Variants in UBE3A observed in about 807,000 individuals in gnomAD.
UBE3A encodes ubiquitin-protein ligase E3A.
UBE3A carries 6 observed loss-of-function variants against 83.4 expected under a neutral mutation model. That is an observed-to-expected ratio of 0.07 (90% CI 0.04 to 0.14). The LOEUF is 0.14. Among genes scored for constraint, UBE3A ranks in the 10% least tolerant of loss-of-function variants. UBE3A has a pLI of 1.00. For synonymous variants in UBE3A, 337 were observed against 355.4 expected (o/e 0.95, Z 0.58); for missense variants, 456 against 1,036.1 (o/e 0.44, Z 7.69).
rs1258276843 is a variant in UBE3A, at chr15:25,371,980, G to A, written c.362-168C>T. Among the ~76,000 whole-genome samples the A allele has an allele frequency of 6.6e-6, 1 of 151,934 alleles. No individual in the cohort carries two copies. The highest frequency in any genetic ancestry group is 1.9e-4 in the East Asian group (1 of 5,182). On this transcript the variant is annotated intron_variant, in intron 5 of 12. Transcript: ENST00000648336. This position sits in a 1 kb window ranked among gnomAD's most constrained non-coding sequence, Gnocchi z 5.3. ...TTAGATTCAGCAAACAAAATTTAATGCTTACCTATTTTTTTCAATGAACTA... is the reference window on the plus strand; with the variant it reads ...TTAGATTCAGCAAACAAAATTTAATACTTACCTATTTTTTTCAATGAACTA...
chr15:25,356,811 G>A lies in UBE3A; in HGVS notation c.1839C>T (p.Gly613=). ...FETEGQFTLI[G]IVLGLAIYNN... ...TGTAAATAGCCAGACCCAGTACTATGCCAATCAGAGTAAACTGACCCTCAG... is the reference window on the plus strand; with the variant it reads ...TGTAAATAGCCAGACCCAGTACTATACCAATCAGAGTAAACTGACCCTCAG... Residue 613 remains glycine (G), a synonymous_variant, in exon 8 of 13, where the codon GGC becomes GGT. Transcript: ENST00000648336. 6.2e-7 allele frequency: 1 copy of A among 1,613,770 alleles called. No homozygotes were observed. The highest frequency in any genetic ancestry group is 2.2e-5 in the East Asian group (1 of 44,780).
At chr15:25,367,172 CATATTTGTAAATATGTAAATATTT>C (rs2079272441) in intron 6 of UBE3A, among the ~76,000 whole-genome samples, 1 of 94,826 alleles carries the variant, frequency 1.1e-5, no homozygotes, top group African/African-American at 6.6e-5. Context: ...GGTATATTTA[CATATTTGTAAATATGTAAATATTT>C]ACATATTTGT....
chr15:25,379,115 A>G (rs2081721739), intron 4 of UBE3A, among the ~76,000 whole-genome samples: 1 of 152,218 alleles, frequency 6.6e-6, no homozygotes, highest in African/African-American at 2.4e-5. Flanking sequence ...GGTAGTATCT[A>G]CGAGCATTAT....
At chr15:25,427,012 G>A (rs1265900011) in intron 1 of UBE3A, among the ~76,000 whole-genome samples, 1 of 151,854 alleles carries the variant, frequency 6.6e-6, no homozygotes, top group African/African-American at 2.4e-5. Flanking sequence ...TCTCCAATTC[G>A]TGGCCTCAAG....
intron 6 of UBE3A, among the ~76,000 whole-genome samples, chr15:25,367,137 C>T (rs1490674231): frequency 1.4e-5 from 2 of 146,296 alleles, no homozygotes; most frequent in Non-Finnish European, 3.0e-5. Context: ...GAGAAATTAT[C>T]TACTTGTAAA....
intron 7 of UBE3A, among the ~76,000 whole-genome samples, chr15:25,359,303 A>G (rs1004450820): frequency 6.6e-6 from 1 of 152,192 alleles, no homozygotes; most frequent in South Asian, 2.1e-4. Flanking sequence ...ATAATTTTCT[A>G]TCTCAAAAAG....
intron 11 of UBE3A, among the ~76,000 whole-genome samples, chr15:25,341,929 ACAC>A (rs2074910403): frequency 6.6e-6 from 1 of 152,116 alleles, no homozygotes; most frequent in Non-Finnish European, 1.5e-5. Context: ...TGGTGCTGCA[ACAC>A]CATTTATCTG....
intron 11 of UBE3A, among the ~76,000 whole-genome samples, chr15:25,350,972 T>C (rs948823425): frequency 6.6e-6 from 1 of 152,174 alleles, no homozygotes; most frequent in Non-Finnish European, 1.5e-5. Context: ...AGTCTACACC[T>C]TGACTGAAAT....
chr15:25,423,893 A>G (rs1001049912), intron 1 of UBE3A, among the ~76,000 whole-genome samples: 5 of 152,044 alleles, frequency 3.3e-5, no homozygotes, highest in African/African-American at 1.2e-4. Flanking sequence ...TATGGACTCT[A>G]TTTCAACATA....
rs140088899 is a variant in UBE3A, at chr15:25,416,601, C to T, written c.-164-4630G>A. The stretch of plus-strand genomic sequence containing the variant: ...AACGGGTGCTCAGTGTGTGAAAGTG[C>T]AACAAGCTATACACTTAGAAGTGTA... On this transcript the variant is annotated intron_variant, in intron 1 of 12. Coordinates refer to ENST00000648336, the MANE Select transcript of UBE3A (RefSeq NM_130839.5). Among the ~76,000 whole-genome samples the T allele has an allele frequency of 1.3e-4, 19 of 143,012 alleles. No individual in the cohort carries two copies. The Admixed American group carries it at 1.4e-3, about 10-fold the overall frequency. The allele number at this position is 143,012 out of a possible 152,430, so 93.8% of individuals were successfully genotyped here. A position where few individuals can be genotyped will look rare whatever the true frequency, so the allele number is the denominator to read the frequency against.
At chr15:25,431,045 TAA>T (rs1893301522) in intron 1 of UBE3A, among the ~76,000 whole-genome samples, 1 of 152,228 alleles carries the variant, frequency 6.6e-6, no homozygotes, top group African/African-American at 2.4e-5. Flanking sequence ...TTTATGTGTA[TAA>T]AAGACCAAAA....
At chr15:25,358,404 A>G (rs2077543169) in intron 7 of UBE3A, among the ~76,000 whole-genome samples, 1 of 152,130 alleles carries the variant, frequency 6.6e-6, no homozygotes, top group Non-Finnish European at 1.5e-5. Context: ...AAAAGATTAA[A>G]AAAAAGGAAA....
chr15:25,416,703 G>A (rs1043886399), intron 1 of UBE3A, among the ~76,000 whole-genome samples: 3 of 149,754 alleles, frequency 2.0e-5, no homozygotes, highest in African/African-American at 4.9e-5. Context: ...AGCACAACAA[G>A]CACAACAGAA....
intron 11 of UBE3A, among the ~76,000 whole-genome samples, chr15:25,353,839 G>C (rs2076861523): frequency 6.6e-6 from 1 of 152,126 alleles, no homozygotes; most frequent in Admixed American, 6.5e-5. Context: ...AAAGCAGATA[G>C]AACTGGGAAC....
chr15:25,349,796 A>G (rs2076231651), intron 11 of UBE3A, among the ~76,000 whole-genome samples: 1 of 152,172 alleles, frequency 6.6e-6, no homozygotes, highest in African/African-American at 2.4e-5. Flanking sequence ...TAAGTAAAAT[A>G]AGGGTTACTT....
chr15:25,364,798 C>A (rs530925723), intron 6 of UBE3A, among the ~76,000 whole-genome samples: 1 of 151,952 alleles, frequency 6.6e-6, no homozygotes, highest in Admixed American at 6.6e-5. Flanking sequence ...CGCCTGCCAC[C>A]GCGCCTGGCT....
intron 1 of UBE3A, among the ~76,000 whole-genome samples, chr15:25,425,779 G>T (rs1891141726): frequency 6.6e-6 from 1 of 152,074 alleles, no homozygotes; most frequent in Non-Finnish European, 1.5e-5. Flanking sequence ...TTTGAGGGAT[G>T]GTGGGGCAAC....
rs778312829 is a variant in UBE3A, at chr15:25,386,296, C to G, written c.63-10533G>C. 2.0e-5 allele frequency among the ~76,000 whole-genome samples: 3 copies of G among 152,096 alleles called. No homozygotes were observed. The South Asian group carries it at 6.2e-4, about 32-fold the overall frequency. ...GCTCATTTACAACAGTTCCTTTTACCTAGTACATCATGTCCAAGCTATCAA... is the reference window on the plus strand; with the variant it reads ...GCTCATTTACAACAGTTCCTTTTACGTAGTACATCATGTCCAAGCTATCAA... On this transcript the variant is annotated intron_variant, in intron 4 of 12. Transcript: ENST00000648336.
intron 6 of UBE3A, among the ~76,000 whole-genome samples, chr15:25,367,229 T>TTGTAAATA (rs1222498715): frequency 1.3e-4 from 10 of 79,694 alleles, no homozygotes; most frequent in Non-Finnish European, 1.9e-4. Context: ...ATTTACATAT[T>TTGTAAATA]TGTAAATATG....
Sources: allele counts gnomAD v4.1 joint callset (sites outside exome capture counted in the v4.1 genomes callset), GRCh38; gene constraint gnomAD v4.1.1; non-coding constraint Gnocchi (gnomAD v3.1); transcripts MANE v1.5; gene names NCBI Gene and HGNC (gene_info 2026-07-23, HGNC 2026-07-21).